MOB1B: variants seen among roughly 807,000 people sequenced by gnomAD.
MOB1B encodes the protein MOB1 Mps One Binder homolog B.
Under a neutral mutation model 24.4 loss-of-function variants are expected in MOB1B, and 19 were observed. The ratio of observed to expected loss-of-function variants is 0.78; its 90% CI spans 0.54 to 1.14. The LOEUF (loss-of-function observed/expected upper bound fraction) is 1.14, where lower values mean the gene tolerates loss of function less well. Among genes scored for constraint, MOB1B ranks in the 50% most tolerant of loss-of-function variants. MOB1B has a pLI of 0.00. For missense variants in MOB1B, 243 were observed against 259.6 expected (o/e 0.94, Z 0.44); for synonymous variants, 76 against 82.1 (o/e 0.93, Z 0.40).
chr4:70,958,548 G>T, intron 1 of MOB1B: 1 of 357,784 alleles, frequency 2.8e-6, no homozygotes, highest in Admixed American at 3.9e-5. Context: ...TTTTAAGAAG[G>T]AAACAAATTT....
At chr4:70,921,243 G>A (rs937536147) in intron 1 of MOB1B, among the ~76,000 whole-genome samples, 3 of 151,854 alleles carry the variant, frequency 2.0e-5, no homozygotes, top group Non-Finnish European at 4.4e-5. Flanking sequence ...ATATCCTTTA[G>A]TTTACCAGTA....
chr4:70,952,015 G>A (rs1030565992), intron 1 of MOB1B, among the ~76,000 whole-genome samples: 1 of 152,222 alleles, frequency 6.6e-6, no homozygotes, highest in Admixed American at 6.5e-5. Context: ...GATTGTAAAA[G>A]GGTACAATTT....
rs368378599 is a variant in MOB1B at position 70,906,046 on chromosome 4, T to C, written c.14+3496T>C. ...GAGATGTAATCATGCCACTGCACTCTAGCCTGGCTGATAGAGAGTGAGACT... is the reference window on the plus strand; with the variant it reads ...GAGATGTAATCATGCCACTGCACTCCAGCCTGGCTGATAGAGAGTGAGACT... On this transcript the variant is annotated intron_variant, in intron 1 of 5. Transcript: ENST00000309395. 8.0e-5 allele frequency among the ~76,000 whole-genome samples: 12 copies of C among 150,872 alleles called. No homozygotes were observed. The East Asian group carries it at 1.6e-3, about 20-fold the overall frequency.
At chr4:70,974,815 G>A (rs542621994) in intron 3 of MOB1B, among the ~76,000 whole-genome samples, 29 of 152,238 alleles carry the variant, frequency 1.9e-4, no homozygotes, top group South Asian at 1.9e-3. Context: ...CAACCATAAA[G>A]TCCAAAAGTA....
chr4:70,941,730 A>G (rs1013903524), intron 1 of MOB1B, among the ~76,000 whole-genome samples: 1 of 152,178 alleles, frequency 6.6e-6, no homozygotes, highest in Admixed American at 6.5e-5. Context: ...AAACTTTGGT[A>G]TCTTTCTTTT....
chr4:70,930,469 T>C (rs1736844751), intron 1 of MOB1B, among the ~76,000 whole-genome samples: 1 of 152,214 alleles, frequency 6.6e-6, no homozygotes, highest in African/African-American at 2.4e-5. Flanking sequence ...TTCCCCAAAG[T>C]ATGAGTAAAC....
intron 1 of MOB1B, among the ~76,000 whole-genome samples, chr4:70,916,006 CAG>C (rs1560630433): frequency 6.6e-6 from 1 of 152,102 alleles, no homozygotes; most frequent in African/African-American, 2.4e-5. Flanking sequence ...ATGTTTGTTA[CAG>C]AGTTTGCAGG....
intron 4 of MOB1B, chr4:70,975,572 C>A: frequency 9.7e-7 from 1 of 1,030,016 alleles, no homozygotes; most frequent in Non-Finnish European, 1.2e-6. Context: ...ATCTCCCTCT[C>A]TTAAGGTAAT....
At chr4:70,955,383 T>C (rs1414028793) in intron 1 of MOB1B, among the ~76,000 whole-genome samples, 1 of 151,996 alleles carries the variant, frequency 6.6e-6, no homozygotes, top group Non-Finnish European at 1.5e-5. Flanking sequence ...ACATTAGTTA[T>C]AGGAGACCTC....
chr4:70,977,259 A>T (rs781530100), intron 4 of MOB1B, among the ~76,000 whole-genome samples: 22 of 152,192 alleles, frequency 1.4e-4, no homozygotes, highest in Non-Finnish European at 2.6e-4. Flanking sequence ...GGAAATGTGC[A>T]CTTTAGTCAT....
chr4:70,975,302 G>T lies in MOB1B; in HGVS notation c.409+16G>T, dbSNP rs545117405. ...TCAAAAATTGGTATAATTAATTTTT[G>T]TAAGGGGGATCCATCATGATTTATC... On this transcript the variant is annotated intron_variant, in intron 4 of 5. Coordinates refer to ENST00000309395, the MANE Select transcript of MOB1B (RefSeq NM_173468.4). The T allele has an allele frequency of 2.7e-5, 44 of 1,608,534 alleles. No homozygotes were observed. The South Asian group carries it at 3.5e-4, about 13-fold the overall frequency.
rs147712028 is a variant in MOB1B at position 70,931,746 on chromosome 4, C to T, written c.15-27128C>T. On this transcript the variant is annotated intron_variant, in intron 1 of 5. Coordinates refer to ENST00000309395, the MANE Select transcript of MOB1B (RefSeq NM_173468.4). ...ATTTTATGACATTAAGACAATTTTC[C>T]ACCTTTCAGAGACAGGATGTCACTC... Among the ~76,000 whole-genome samples the T allele has an allele frequency of 4.7e-3, 717 of 152,208 alleles. 9 individuals are homozygous for T. Among genetic ancestry groups the T allele is most frequent in the African/African-American group, 0.016 (678 of 41,530 alleles).
chr4:70,926,799 A>G (rs893450663), intron 1 of MOB1B, among the ~76,000 whole-genome samples: 1 of 151,654 alleles, frequency 6.6e-6, no homozygotes, highest in Admixed American at 6.6e-5. Context: ...GATCGAGACC[A>G]TCCTGGCTAA....
chr4:70,922,571 C>T (rs1560634174), intron 1 of MOB1B, among the ~76,000 whole-genome samples: 1 of 152,136 alleles, frequency 6.6e-6, no homozygotes, highest in African/African-American at 2.4e-5. Context: ...CTCAGTGAGA[C>T]TTTGAATAGA....
At position 70,982,234 on chromosome 4, in the gene MOB1B, A is replaced by G; in HGVS notation, c.*177A>G. 1 of 508,738 alleles carries G rather than the reference A, an allele frequency of 2.0e-6. No individual in the cohort carries two copies. Among genetic ancestry groups the G allele is most frequent in the Non-Finnish European group, 3.5e-6 (1 of 286,650 alleles). The allele number at this position is 508,738 out of a possible 1,614,324, so 31.5% of individuals were successfully genotyped here. On this transcript the variant is annotated 3_prime_UTR_variant, in exon 6 of 6. Coordinates refer to ENST00000309395, the MANE Select transcript of MOB1B (RefSeq NM_173468.4). ...TGAAACCATATTCTATTGCTAGGGG[A>G]AGCCAAGAACCATTCTCTATACACT...
chr4:70,952,998 A>G (rs1488199618), intron 1 of MOB1B, among the ~76,000 whole-genome samples: 1 of 141,924 alleles, frequency 7.0e-6, no homozygotes, highest in Non-Finnish European at 1.5e-5. Context: ...CCTGGAGTGA[A>G]GTGGTGCAAT....
rs189258951 is a variant in MOB1B at position 70,905,111 on chromosome 4, G to A, written c.14+2561G>A. On this transcript the variant is annotated intron_variant, in intron 1 of 5. Coordinates refer to ENST00000309395, the MANE Select transcript of MOB1B (RefSeq NM_173468.4). ...AAGTTAATTCAACATTTTCAGTTTT[G>A]GTCTTTGTCTACCGTCAATTAAAAA... is the stretch of plus-strand genomic sequence containing the variant. 3.5e-3 allele frequency among the ~76,000 whole-genome samples: 533 copies of A among 152,142 alleles called. 3 individuals carry two copies. Among genetic ancestry groups the A allele is most frequent in the South Asian group, 7.7e-3 (37 of 4,828 alleles).
At chr4:70,929,147 C>T (rs1282932584) in intron 1 of MOB1B, among the ~76,000 whole-genome samples, 4 of 150,190 alleles carry the variant, frequency 2.7e-5, no homozygotes, top group Non-Finnish European at 6.0e-5. Context: ...TTTCTGTCCC[C>T]TGTATTTCTT....
intron 1 of MOB1B, among the ~76,000 whole-genome samples, chr4:70,922,667 A>AT (rs1206728418): frequency 6.6e-6 from 1 of 152,242 alleles, no homozygotes; most frequent in East Asian, 1.9e-4. Flanking sequence ...TATGCTGACA[A>AT]TTCTGAAGGC....
Sources: gnomAD v4.1 joint callset for allele counts (sites outside exome capture counted in the v4.1 genomes callset) on GRCh38, gnomAD v4.1.1 for gene constraint, MANE v1.5 for transcripts, NCBI Gene and HGNC (gene_info 2026-07-23, HGNC 2026-07-21) for gene names.